Variants in SLC44A5 observed in about 807,000 individuals in gnomAD.
SLC44A5 encodes the protein choline transporter-like protein 5.
Under a neutral mutation model 101.8 loss-of-function variants are expected in SLC44A5, and 57 were observed. That is an observed-to-expected ratio of 0.56 (90% CI 0.45 to 0.70). The LOEUF (loss-of-function observed/expected upper bound fraction) is 0.70. SLC44A5 is among the 30% of genes least tolerant of loss of function. The probability of loss-of-function intolerance (pLI) is 0.00; values close to 1 mark genes in which losing one functional copy is unlikely to be tolerated. For synonymous variants in SLC44A5, 281 were observed against 290.9 expected (o/e 0.97, Z 0.35); for missense variants, 737 against 853.1 (o/e 0.86, Z 1.70).
At chr1:75,356,459 G>T (rs1292756295) in intron 3 of SLC44A5, among the ~76,000 whole-genome samples, 1 of 151,614 alleles carries the variant, frequency 6.6e-6, no homozygotes. Context: ...ATAGAATAAG[G>T]ATATAAAGAA....
intron 2 of SLC44A5, among the ~76,000 whole-genome samples, chr1:75,515,819 T>G (rs1445852168): frequency 2.0e-5 from 3 of 152,160 alleles, no homozygotes; most frequent in Non-Finnish European, 4.4e-5. Flanking sequence ...ATTTTTAGCT[T>G]GCTGAAGAAC....
chr1:75,374,061 G>A (rs1396893065), intron 3 of SLC44A5, among the ~76,000 whole-genome samples: 1 of 152,152 alleles, frequency 6.6e-6, no homozygotes, highest in Non-Finnish European at 1.5e-5. Flanking sequence ...CTGCCCCAAG[G>A]AGCCCTGCAG....
At chr1:75,581,591 G>C (rs1673701109) in intron 1 of SLC44A5, among the ~76,000 whole-genome samples, 1 of 152,154 alleles carries the variant, frequency 6.6e-6, no homozygotes, top group South Asian at 2.1e-4. Context: ...TGTGGGAAAG[G>C]GGTACAGTAT....
chr1:75,234,101 A>G lies in SLC44A5; in HGVS notation c.741-3T>C. The G allele has an allele frequency of 1.2e-6, 2 of 1,607,718 alleles. No homozygotes were observed. Among genetic ancestry groups the G allele is most frequent in the Non-Finnish European group, 8.5e-7 (1 of 1,174,476 alleles). ...GGACCATGGCAATCGTCAGGCCACT[A>G]GAAAAAACCCACAACAAACACAGTG... On this transcript the variant is annotated splice_region_variant and splice_polypyrimidine_tract_variant and intron_variant, in intron 11 of 23. Transcript: ENST00000370859.
the SLC44A5 span, among the ~76,000 whole-genome samples, chr1:75,709,489 A>G: frequency 6.6e-6 from 1 of 152,218 alleles, no homozygotes; most frequent in Non-Finnish European, 1.5e-5. Flanking sequence ...CTGAAGCTCA[A>G]GTCTTTGAAG....
At chr1:75,333,322 G>A (rs1255773395) in intron 4 of SLC44A5, among the ~76,000 whole-genome samples, 1 of 152,128 alleles carries the variant, frequency 6.6e-6, no homozygotes, top group Non-Finnish European at 1.5e-5. Flanking sequence ...TCTTCATTCG[G>A]AATGGAGCAA....
intron 2 of SLC44A5, among the ~76,000 whole-genome samples, chr1:75,459,538 A>C (rs939229450): frequency 6.6e-6 from 1 of 152,176 alleles, no homozygotes; most frequent in Non-Finnish European, 1.5e-5. Flanking sequence ...AGGTGCAAGA[A>C]AGGTATGGTA....
chr1:75,334,157 C>A (rs1046049072), intron 4 of SLC44A5, among the ~76,000 whole-genome samples: 1 of 152,138 alleles, frequency 6.6e-6, no homozygotes, highest in African/African-American at 2.4e-5. Context: ...TTATTCATTT[C>A]TTTGCTTTAT....
At chr1:75,374,662 T>C (rs1660453380) in intron 3 of SLC44A5, among the ~76,000 whole-genome samples, 2 of 152,136 alleles carry the variant, frequency 1.3e-5, no homozygotes, top group Non-Finnish European at 1.5e-5. Flanking sequence ...CACTATCTAC[T>C]GGATTGCAAC....
At chr1:75,225,086 C>T (rs188383135) in intron 13 of SLC44A5, among the ~76,000 whole-genome samples, 1 of 152,338 alleles carries the variant, frequency 6.6e-6, no homozygotes, top group African/African-American at 2.4e-5. Context: ...ACACCCAGAA[C>T]AACTTCCAGT....
the SLC44A5 span, among the ~76,000 whole-genome samples, chr1:75,628,437 A>C: frequency 6.6e-6 from 1 of 152,184 alleles, no homozygotes; most frequent in East Asian, 1.9e-4. Flanking sequence ...GATTCAAATC[A>C]TGCCTCTACC....
chr1:75,474,346 G>A (rs1667272281), intron 2 of SLC44A5, among the ~76,000 whole-genome samples: 1 of 152,014 alleles, frequency 6.6e-6, no homozygotes, highest in South Asian at 2.1e-4. Context: ...GCATACTAAA[G>A]CTAAATTAAA....
intron 1 of SLC44A5, among the ~76,000 whole-genome samples, chr1:75,567,715 A>G (rs1672863620): frequency 6.6e-6 from 1 of 152,318 alleles, no homozygotes; most frequent in Middle Eastern, 3.4e-3. Context: ...TTAGGGTCTG[A>G]AAAAGCAAGT....
chr1:75,524,951 T>A (rs1024847148), intron 2 of SLC44A5, among the ~76,000 whole-genome samples: 3 of 152,160 alleles, frequency 2.0e-5, no homozygotes, highest in Non-Finnish European at 2.9e-5. Context: ...ATAATTTTTT[T>A]AAATTATAAA....
intron 3 of SLC44A5, among the ~76,000 whole-genome samples, chr1:75,357,797 G>A (rs1659191421): frequency 6.6e-6 from 1 of 152,118 alleles, no homozygotes; most frequent in African/African-American, 2.4e-5. Context: ...AAATCAGCTA[G>A]TTTTCTTTCT....
intron 23 of SLC44A5, among the ~76,000 whole-genome samples, chr1:75,208,538 G>GT (rs1646792575): frequency 6.6e-6 from 1 of 152,188 alleles, no homozygotes; most frequent in African/African-American, 2.4e-5. Context: ...AACTGCAAAA[G>GT]TTATGGCCAC....
the SLC44A5 span, among the ~76,000 whole-genome samples, chr1:75,673,708 A>G: frequency 6.6e-6 from 1 of 152,082 alleles, no homozygotes; most frequent in Non-Finnish European, 1.5e-5. Flanking sequence ...AGCTCCTAGG[A>G]GCTCAGAACA....
chr1:75,218,434 A>G, intron 17 of SLC44A5, 56 bp downstream of exon 17: 1 of 1,591,648 alleles, frequency 6.3e-7, no homozygotes, highest in Admixed American at 1.7e-5. Flanking sequence ...AGACTGAATT[A>G]CAAGCACACT....
At chr1:75,600,713 A>G (rs1301821897) in intron 1 of SLC44A5, among the ~76,000 whole-genome samples, 1 of 152,168 alleles carries the variant, frequency 6.6e-6, no homozygotes, top group Non-Finnish European at 1.5e-5. Context: ...ACAAATATTT[A>G]CCATTGTGTT....
Sources: allele counts gnomAD v4.1 joint callset (sites outside exome capture counted in the v4.1 genomes callset), GRCh38; gene constraint gnomAD v4.1.1; transcripts MANE v1.5; gene names NCBI Gene and HGNC (gene_info 2026-07-23, HGNC 2026-07-21).